ZBBX: variants seen among roughly 807,000 people sequenced by gnomAD.
ZBBX encodes zinc finger B-box domain containing.
ZBBX carries 101 observed loss-of-function variants against 108.5 expected under a neutral mutation model. That is an observed-to-expected ratio of 0.93 (90% CI 0.79 to 1.10). The LOEUF (loss-of-function observed/expected upper bound fraction) is 1.10, where lower values mean the gene tolerates loss of function less well. Ranked by LOEUF, ZBBX falls within the 50% of genes least tolerant of loss-of-function variation. The probability of loss-of-function intolerance (pLI) is 0.00; values close to 1 mark genes in which losing one functional copy is unlikely to be tolerated. For synonymous variants in ZBBX, 356 were observed against 323.4 expected, an observed-to-expected ratio of 1.10 and a Z score of -1.08; for missense variants, 1,009 against 941.4, an observed-to-expected ratio of 1.07 and a Z score of -0.94.
At chr3:167,232,775 C>A in the ZBBX span, among the ~76,000 whole-genome samples, 2 of 151,824 alleles carry the variant, frequency 1.3e-5, no homozygotes, top group Admixed American at 1.3e-4. Flanking sequence ...AAGCTCCAGG[C>A]TATTCATGTC....
At chr3:167,188,433 G>A in the ZBBX span, among the ~76,000 whole-genome samples, 1 of 152,040 alleles carries the variant, frequency 6.6e-6, no homozygotes, top group Non-Finnish European at 1.5e-5. Context: ...CATTTATAAC[G>A]CTTTAAGAGG....
intron 8 of ZBBX, among the ~76,000 whole-genome samples, chr3:167,357,580 A>G (rs1743788305): frequency 6.6e-6 from 1 of 152,168 alleles, no homozygotes; most frequent in African/African-American, 2.4e-5. Context: ...CATTACTCAC[A>G]ATAGCCAAAA....
At chr3:167,281,176 C>T (rs143031663) in intron 20 of ZBBX, among the ~76,000 whole-genome samples, 2,623 of 152,038 alleles carry the variant, frequency 0.017, 75 homozygotes, top group African/African-American at 0.059. Context: ...GTGGGTGCAG[C>T]GCGCCAGCAT....
At chr3:167,189,555 G>C in the ZBBX span, among the ~76,000 whole-genome samples, 7,839 of 152,146 alleles carry the variant, frequency 0.052, 560 homozygotes, top group African/African-American at 0.16. Flanking sequence ...ACATCCCAGA[G>C]TAATAACTAT....
At chr3:167,283,265 A>T (rs1394142560) in intron 19 of ZBBX, among the ~76,000 whole-genome samples, 1 of 152,220 alleles carries the variant, frequency 6.6e-6, no homozygotes, top group Non-Finnish European at 1.5e-5. Context: ...CTAACACAAC[A>T]TAACTAATTT....
At position 167,372,941 on chromosome 3, in the gene ZBBX, G is replaced by A. The variant is rs773591189; in HGVS notation, c.-40C>T. 1.4e-6 allele frequency: 2 copies of A among 1,476,644 alleles called. No homozygotes were observed. Among genetic ancestry groups the A allele is most frequent in the Admixed American group, 4.4e-5 (2 of 45,832 alleles). 91.5% of individuals were successfully genotyped at this position (1,476,644 alleles called of 1,614,324 possible). On this transcript the variant is annotated 5_prime_UTR_variant, in exon 4 of 22. Transcript: ENST00000675490. Reference sequence around the variant, plus strand: ...TATTGTCTAAAAGTTATTCTGATTTGTAAACACTTCTGTAAAAGTAACAAA... The same window carrying A: ...TATTGTCTAAAAGTTATTCTGATTTATAAACACTTCTGTAAAAGTAACAAA...
upstream of ZBBX, among the ~76,000 whole-genome samples, chr3:167,382,434 G>A (rs1747785153): frequency 6.6e-6 from 1 of 152,152 alleles, no homozygotes; most frequent in African/African-American, 2.4e-5. Context: ...ACTATATCAA[G>A]AGCACAGTAT....
the ZBBX span, among the ~76,000 whole-genome samples, chr3:167,224,901 C>T: frequency 6.6e-6 from 1 of 151,738 alleles, no homozygotes; most frequent in Admixed American, 6.6e-5. Context: ...TTCTTTTTAC[C>T]ACCAGAGATA....
At chr3:167,281,349 C>T (rs1002173569) in intron 20 of ZBBX, among the ~76,000 whole-genome samples, 2 of 151,982 alleles carry the variant, frequency 1.3e-5, no homozygotes, top group East Asian at 1.9e-4. Flanking sequence ...GTTTTTATTT[C>T]TTTTTTTGTA....
chr3:167,281,229 G>T (rs1036818558), intron 20 of ZBBX, among the ~76,000 whole-genome samples: 6 of 151,848 alleles, frequency 4.0e-5, no homozygotes, highest in African/African-American at 1.2e-4. Flanking sequence ...ATTGTGCACA[G>T]GTACCCTAAA....
chr3:167,358,712 G>A (rs533266623), intron 8 of ZBBX, among the ~76,000 whole-genome samples: 76 of 151,874 alleles, frequency 5.0e-4, no homozygotes, highest in Non-Finnish European at 7.4e-4. Context: ...AGAGGCAGGC[G>A]GATCATGAGG....
intron 20 of ZBBX, among the ~76,000 whole-genome samples, chr3:167,243,915 A>T (rs901546961): frequency 9.2e-5 from 14 of 151,954 alleles, no homozygotes; most frequent in African/African-American, 3.4e-4. Context: ...TTGACTTTGA[A>T]ATCATGATGC....
intron 1 of ZBBX, among the ~76,000 whole-genome samples, chr3:167,401,101 G>T (rs894460437): frequency 6.6e-6 from 1 of 151,964 alleles, no homozygotes; most frequent in African/African-American, 2.4e-5. Flanking sequence ...CTCAAATATT[G>T]TATTGTCTTT....
the ZBBX span, among the ~76,000 whole-genome samples, chr3:167,208,942 C>G: frequency 1.3e-5 from 2 of 152,096 alleles, no homozygotes; most frequent in African/African-American, 4.8e-5. Flanking sequence ...ACTGCATTAA[C>G]GGGAGAGTCC....
chr3:167,337,660 C>T lies in ZBBX; in HGVS notation c.529-3675G>A, dbSNP rs76538482. Among the ~76,000 whole-genome samples, 416 of 152,190 alleles carry T rather than the reference C, an allele frequency of 2.7e-3. 4 individuals carry two copies. Among genetic ancestry groups the T allele is most frequent in the African/African-American group, 9.4e-3 (389 of 41,554 alleles). On this transcript the variant is annotated intron_variant, in intron 9 of 21. Coordinates refer to ENST00000675490, the MANE Select transcript of ZBBX (RefSeq NM_001199201.2). ...ACTGTTAACAGTTTTTATCCTATAA[C>T]CTTTGTCTTTTCTTAAATGGGCATA...
intron 20 of ZBBX, among the ~76,000 whole-genome samples, chr3:167,281,637 G>T (rs1336939186): frequency 6.6e-6 from 1 of 152,172 alleles, no homozygotes; most frequent in African/African-American, 2.4e-5. Flanking sequence ...CAAGAATATG[G>T]TCACTATATT....
At chr3:167,370,894 C>T (rs960431094) in intron 4 of ZBBX, among the ~76,000 whole-genome samples, 2 of 151,936 alleles carry the variant, frequency 1.3e-5, no homozygotes, top group Admixed American at 6.6e-5. Flanking sequence ...TGATTAGAGG[C>T]AACACAGATG....
chr3:167,385,002 CT>C (rs1577141826), upstream of ZBBX, among the ~76,000 whole-genome samples: 1 of 152,088 alleles, frequency 6.6e-6, no homozygotes, highest in East Asian at 1.9e-4. Flanking sequence ...ATGATGGAGT[CT>C]TTAGAAAGTC....
the ZBBX span, among the ~76,000 whole-genome samples, chr3:167,223,647 G>A: frequency 4.6e-5 from 7 of 151,920 alleles, no homozygotes; most frequent in Non-Finnish European, 8.8e-5. Context: ...GCTGTCGGAA[G>A]TATGATTAAT....
Sources: allele counts gnomAD v4.1 joint callset (sites outside exome capture counted in the v4.1 genomes callset), GRCh38; gene constraint gnomAD v4.1.1; transcripts MANE v1.5; gene names NCBI Gene and HGNC (gene_info 2026-07-23, HGNC 2026-07-21).